The following MRPS27 variants were observed in gnomAD, a reference collection of about 807,000 sequenced individuals.
MRPS27 encodes the protein mitochondrial ribosomal protein S27.
MRPS27 carries 43 observed loss-of-function variants against 48.9 expected under a neutral mutation model. That is an observed-to-expected ratio of 0.88 (90% CI 0.69 to 1.13). The LOEUF (loss-of-function observed/expected upper bound fraction) is 1.13. Among genes scored for constraint, MRPS27 ranks in the 50% most tolerant of loss-of-function variants. The probability of loss-of-function intolerance (pLI) is 0.00; values close to 1 mark genes in which losing one functional copy is unlikely to be tolerated. For synonymous variants in MRPS27, 188 were observed against 171.9 expected, an observed-to-expected ratio of 1.09 and a Z score of -0.73; for missense variants, 467 against 476.3, an observed-to-expected ratio of 0.98 and a Z score of 0.18.
At chr5:72,273,787 G>A (rs1368285228) in intron 4 of MRPS27, among the ~76,000 whole-genome samples, 2 of 152,066 alleles carry the variant, frequency 1.3e-5, no homozygotes, top group Non-Finnish European at 2.9e-5. Context: ...AGGACATTAC[G>A]CTACTGTAGA....
chr5:72,259,779 T>A (rs1444752643), intron 4 of MRPS27, among the ~76,000 whole-genome samples: 3 of 152,166 alleles, frequency 2.0e-5, no homozygotes, highest in Non-Finnish European at 4.4e-5. Context: ...AAATTTCTCC[T>A]TAGAATAAAT....
chr5:72,272,702 T>C (rs1749278324), intron 4 of MRPS27, among the ~76,000 whole-genome samples: 1 of 152,188 alleles, frequency 6.6e-6, no homozygotes, highest in African/African-American at 2.4e-5. Flanking sequence ...GGCTGTGTCC[T>C]GTGAGTCTGC....
intron 10 of MRPS27, 79 bp from the exon 11 acceptor site, chr5:72,221,227 A>G (rs1246955051): frequency 3.9e-6 from 6 of 1,519,660 alleles, no homozygotes; most frequent in Non-Finnish European, 5.3e-6. Context: ...ACTAGCCCTG[A>G]GTGACTGACT....
intron 4 of MRPS27, among the ~76,000 whole-genome samples, chr5:72,270,407 A>G (rs975731964): frequency 3.3e-5 from 5 of 151,944 alleles, no homozygotes; most frequent in Non-Finnish European, 5.9e-5. Flanking sequence ...TCTTAAGCAC[A>G]TAAGAATATG....
At chr5:72,241,349 C>T (rs1024984244) in intron 4 of MRPS27, 2 of 438,292 alleles carry the variant, frequency 4.6e-6, no homozygotes, top group African/African-American at 4.0e-5. Context: ...CAGTGAAATA[C>T]TTACACACAT....
intron 4 of MRPS27, among the ~76,000 whole-genome samples, chr5:72,284,486 G>T (rs893534): frequency 0.68 from 102,601 of 151,038 alleles, 36,121 homozygotes; most frequent in African/African-American, 0.87. Flanking sequence ...GAGAGAGAGA[G>T]ATGGAAAAAG....
Position 72,298,937 on chromosome 5 carries a change from TAA to T in MRPS27, c.152-1237_152-1236del, listed in dbSNP as rs34268612. ...TACACCATGAAATACTACACAGCCATAAAAAAAAAAATGAAACCATGTCCTTT... is the reference window on the plus strand; with the variant it reads ...TACACCATGAAATACTACACAGCCATAAAAAAAAATGAAACCATGTCCTTT... On this transcript the variant is annotated intron_variant, in intron 2 of 10. Coordinates refer to ENST00000261413, the MANE Select transcript of MRPS27 (RefSeq NM_015084.3). Among the ~76,000 whole-genome samples, 26 of 147,320 alleles carry T rather than the reference TAA, an allele frequency of 1.8e-4. No individual in the cohort carries two copies. In the East Asian group the frequency reaches 4.9e-3, roughly 28 times the overall value.
At chr5:72,294,626 G>C (rs1048383022) in intron 4 of MRPS27, 6 of 152,140 alleles carry the variant, frequency 3.9e-5, no homozygotes, top group Non-Finnish European at 5.9e-5. Context: ...ATGTTGCACT[G>C]AACATACTTT....
At chr5:72,234,402 TTG>T (rs1036233872) in intron 5 of MRPS27, among the ~76,000 whole-genome samples, 4 of 152,010 alleles carry the variant, frequency 2.6e-5, no homozygotes, top group African/African-American at 9.7e-5. Flanking sequence ...GGTGAGAAAG[TTG>T]TGAGTCTGAT....
intron 10 of MRPS27, among the ~76,000 whole-genome samples, chr5:72,223,482 C>G (rs1468744236): frequency 6.6e-6 from 1 of 152,116 alleles, no homozygotes; most frequent in Admixed American, 6.5e-5. Context: ...CCAATTAGCT[C>G]AAGTACAAAA....
At chr5:72,275,796 A>G (rs1364967142) in intron 4 of MRPS27, among the ~76,000 whole-genome samples, 1 of 152,198 alleles carries the variant, frequency 6.6e-6, no homozygotes, top group African/African-American at 2.4e-5. Flanking sequence ...GTACAATTTA[A>G]ACTAATCCCG....
intron 4 of MRPS27, among the ~76,000 whole-genome samples, chr5:72,252,609 T>C (rs1340707660): frequency 4.6e-5 from 7 of 152,180 alleles, no homozygotes; most frequent in South Asian, 2.1e-4. Flanking sequence ...GTTTTCCCTA[T>C]AGCATTTGAA....
At chr5:72,295,162 T>A (rs998939619) in intron 4 of MRPS27, among the ~76,000 whole-genome samples, 1 of 152,118 alleles carries the variant, frequency 6.6e-6, no homozygotes, top group Non-Finnish European at 1.5e-5. Context: ...CATACCTTGC[T>A]AGTGGGAATG....
intron 4 of MRPS27, among the ~76,000 whole-genome samples, chr5:72,268,343 C>T (rs531989265): frequency 1.4e-4 from 22 of 152,252 alleles, no homozygotes; most frequent in African/African-American, 4.1e-4. Context: ...AACAAATACT[C>T]GGCAACATTT....
intron 4 of MRPS27, among the ~76,000 whole-genome samples, chr5:72,273,408 C>T (rs1024806836): frequency 1.3e-5 from 2 of 152,176 alleles, no homozygotes; most frequent in Non-Finnish European, 2.9e-5. Context: ...TGCTTAACAA[C>T]AGGATACGTC....
chr5:72,258,910 A>C (rs536285491), intron 4 of MRPS27, among the ~76,000 whole-genome samples: 1 of 152,320 alleles, frequency 6.6e-6, no homozygotes, highest in South Asian at 2.1e-4. Flanking sequence ...CATCTCTCCC[A>C]GCTGCAAATC....
chr5:72,253,289 T>C (rs1265304616), intron 4 of MRPS27, among the ~76,000 whole-genome samples: 2 of 152,210 alleles, frequency 1.3e-5, no homozygotes, highest in Admixed American at 6.5e-5. Context: ...GTCATATCTA[T>C]GGAGGTTTCT....
intron 4 of MRPS27, among the ~76,000 whole-genome samples, chr5:72,239,365 T>C (rs1422484732): frequency 6.6e-6 from 1 of 152,210 alleles, no homozygotes; most frequent in African/African-American, 2.4e-5. Context: ...ATTAGTGCTC[T>C]GGTGAGAGAT....
rs528906503 is a variant in MRPS27, at chr5:72,231,859, C to T, written c.591+584G>A. ...TCTAGGCCCCAGTCTCCTTATCTGC[C>T]TAGGGTTGTTGTGAGAATTAAATGC... On this transcript the variant is annotated intron_variant, in intron 7 of 10. Coordinates refer to ENST00000261413, the MANE Select transcript of MRPS27 (RefSeq NM_015084.3). Among the ~76,000 whole-genome samples, 38 of 152,196 alleles carry T rather than the reference C, an allele frequency of 2.5e-4. 1 individual carries two copies. The South Asian group carries it at 7.5e-3, about 30-fold the overall frequency.
Sources: gnomAD v4.1 joint callset for allele counts (sites outside exome capture counted in the v4.1 genomes callset) on GRCh38, gnomAD v4.1.1 for gene constraint, MANE v1.5 for transcripts, NCBI Gene and HGNC (gene_info 2026-07-23, HGNC 2026-07-21) for gene names.